Variants in PHF24 observed in about 807,000 individuals in gnomAD.
PHF24 encodes PHD finger protein 24, also known as Galpha inhibitory interacting protein.
PHF24 carries 25 observed loss-of-function variants against 42.6 expected under a neutral mutation model. The ratio of observed to expected loss-of-function variants is 0.59; its 90% CI spans 0.43 to 0.82. PHF24 has a LOEUF of 0.82. Among genes scored for constraint, PHF24 ranks in the 40% least tolerant of loss-of-function variants. The probability of loss-of-function intolerance (pLI) is 0.00; values close to 1 mark genes in which losing one functional copy is unlikely to be tolerated. For missense variants in PHF24, 470 were observed against 538.1 expected (o/e 0.87, Z 1.25); for synonymous variants, 185 against 204.8 (o/e 0.90, Z 0.83).
chr9:34,774,538 G>A, the PHF24 span, among the ~76,000 whole-genome samples: 1 of 152,200 alleles, frequency 6.6e-6, no homozygotes, highest in East Asian at 1.9e-4. Context: ...TTGGAAGGCG[G>A]AGGTAGGTGG....
chr9:34,861,987 A>G, the PHF24 span, among the ~76,000 whole-genome samples: 3 of 152,206 alleles, frequency 2.0e-5, no homozygotes, highest in Admixed American at 6.5e-5. Flanking sequence ...GGGAAGTTCA[A>G]GATCTGGGTG....
the PHF24 span, among the ~76,000 whole-genome samples, chr9:34,848,194 C>T: frequency 1.3e-5 from 2 of 151,412 alleles, no homozygotes; most frequent in African/African-American, 4.8e-5. Context: ...CCTCCTTGTA[C>T]CTCTGGTAGA....
At chr9:34,957,442 C>T (rs1224830150), upstream of PHF24, among the ~76,000 whole-genome samples, 3 of 152,006 alleles carry the variant, frequency 2.0e-5, no homozygotes, top group Non-Finnish European at 4.4e-5. Context: ...TTTTTCTTGC[C>T]CTCTTCAAAG....
chr9:34,852,836 A>G, the PHF24 span, among the ~76,000 whole-genome samples: 1 of 152,134 alleles, frequency 6.6e-6, no homozygotes, highest in Admixed American at 6.5e-5. Flanking sequence ...TGTGTTGCCC[A>G]GATGGTCTTG....
chr9:34,831,472 TTTGTGG>T, the PHF24 span, among the ~76,000 whole-genome samples: 1 of 152,218 alleles, frequency 6.6e-6, no homozygotes, highest in South Asian at 2.1e-4. Flanking sequence ...ACCTCTTATA[TTTGTGG>T]TTCTTTCCCA....
chr9:34,721,318 T>C, the PHF24 span, among the ~76,000 whole-genome samples: 9 of 152,312 alleles, frequency 5.9e-5, no homozygotes, highest in Admixed American at 2.6e-4. Context: ...TTCTAATGCC[T>C]CACATTTCTG....
chr9:34,911,532 G>A, the PHF24 span, among the ~76,000 whole-genome samples: 2 of 152,184 alleles, frequency 1.3e-5, no homozygotes, highest in Non-Finnish European at 2.9e-5. Context: ...GATTACAGGC[G>A]TGAGCCACCG....
the PHF24 span, among the ~76,000 whole-genome samples, chr9:34,831,441 A>AG: frequency 6.6e-6 from 1 of 152,194 alleles, no homozygotes; most frequent in Admixed American, 6.5e-5. Flanking sequence ...GTAACTTGAC[A>AG]GGCTCACATA....
the PHF24 span, among the ~76,000 whole-genome samples, chr9:34,860,882 C>T: frequency 2.6e-5 from 4 of 152,192 alleles, no homozygotes; most frequent in Non-Finnish European, 4.4e-5. Flanking sequence ...GGACAATAAG[C>T]AGCCATGGAC....
At chr9:34,673,805 T>G in the PHF24 span, among the ~76,000 whole-genome samples, 1 of 152,250 alleles carries the variant, frequency 6.6e-6, no homozygotes, top group Non-Finnish European at 1.5e-5. Context: ...GTATTTTTAG[T>G]AGAGACGGGG....
At chr9:34,842,733 A>G in the PHF24 span, among the ~76,000 whole-genome samples, 1 of 152,160 alleles carries the variant, frequency 6.6e-6, no homozygotes, top group Non-Finnish European at 1.5e-5. Context: ...AAGTTGCCCA[A>G]TCTGTGGTAT....
At chr9:34,830,211 C>T in the PHF24 span, among the ~76,000 whole-genome samples, 3 of 152,216 alleles carry the variant, frequency 2.0e-5, no homozygotes, top group African/African-American at 7.2e-5. Flanking sequence ...TGCATTCTCC[C>T]CACAGGGTCA....
At chr9:34,754,085 A>G in the PHF24 span, among the ~76,000 whole-genome samples, 41 of 152,160 alleles carry the variant, frequency 2.7e-4, no homozygotes, top group Admixed American at 2.7e-3. Flanking sequence ...TCTCCAGGAC[A>G]TTGGACTGGC....
chr9:34,689,703 G>T, the PHF24 span: 12 of 1,231,280 alleles, frequency 9.7e-6, no homozygotes, highest in Admixed American at 1.8e-5. This position sits in a 1 kb window ranked among gnomAD's most constrained non-coding sequence, Gnocchi z 4.1. Flanking sequence ...GGCTGGTCAG[G>T]TCTGGTGCAG....
the PHF24 span, among the ~76,000 whole-genome samples, chr9:34,767,023 G>A: frequency 4.6e-5 from 7 of 152,124 alleles, no homozygotes; most frequent in East Asian, 1.9e-4. Flanking sequence ...GTGGATTTTC[G>A]TGAACCGCGA....
the PHF24 span, among the ~76,000 whole-genome samples, chr9:34,698,094 C>A: frequency 1.3e-4 from 20 of 152,194 alleles, no homozygotes; most frequent in African/African-American, 4.3e-4. Flanking sequence ...ATGTTCTACT[C>A]GACCCATACA....
chr9:34,762,012 C>A, the PHF24 span, among the ~76,000 whole-genome samples: 1 of 151,912 alleles, frequency 6.6e-6, no homozygotes, highest in African/African-American at 2.4e-5. Flanking sequence ...CATGTCCCTA[C>A]AAAGGACATG....
At chr9:34,921,174 G>GT in the PHF24 span, among the ~76,000 whole-genome samples, 1 of 144,000 alleles carries the variant, frequency 6.9e-6, no homozygotes, top group Non-Finnish European at 1.6e-5. Context: ...TCTATACCCA[G>GT]TTGTTTTTTT....
chr9:34,725,128 A>C, the PHF24 span: 1 of 1,549,318 alleles, frequency 6.5e-7, no homozygotes. Context: ...GGACCCCAGA[A>C]ATTCTGCAGT....
Sources: allele counts gnomAD v4.1 joint callset (sites outside exome capture counted in the v4.1 genomes callset), GRCh38; gene constraint gnomAD v4.1.1; non-coding constraint Gnocchi (gnomAD v3.1); transcripts MANE v1.5; gene names NCBI Gene and HGNC (gene_info 2026-07-23, HGNC 2026-07-21).